Variants in CDK5RAP2 observed in about 807,000 individuals in gnomAD.
The protein encoded by CDK5RAP2 is CDK5 regulatory subunit-associated protein 2.
Under a neutral mutation model 232.9 loss-of-function variants are expected in CDK5RAP2, and 147 were observed. The ratio of observed to expected loss-of-function variants is 0.63; its 90% CI spans 0.55 to 0.72. CDK5RAP2 has a LOEUF of 0.72. CDK5RAP2 is among the 30% of genes least tolerant of loss of function. The pLI, the probability that CDK5RAP2 is intolerant of heterozygous loss-of-function variation, is 0.00. For synonymous variants in CDK5RAP2, 833 were observed against 833.7 expected, an observed-to-expected ratio of 1.00 and a Z score of 0.01; for missense variants, 2,195 against 2,231.5, an observed-to-expected ratio of 0.98 and a Z score of 0.33.
chr9:120,413,834 G>GGAGGGAA (rs2034027618), intron 28 of CDK5RAP2, among the ~76,000 whole-genome samples: 3 of 148,954 alleles, frequency 2.0e-5, no homozygotes, highest in African/African-American at 7.5e-5. Flanking sequence ...GGAGGGAGGA[G>GGAGGGAA]GGAGGAGGGA....
At chr9:120,490,524 C>A (rs895188146) in intron 13 of CDK5RAP2, among the ~76,000 whole-genome samples, 2 of 152,260 alleles carry the variant, frequency 1.3e-5, no homozygotes, top group Non-Finnish European at 2.9e-5. Context: ...ATAGCCAATG[C>A]ATGCTATGCC....
At chr9:120,560,095 T>G (rs1380023159) in intron 3 of CDK5RAP2, among the ~76,000 whole-genome samples, 1 of 152,142 alleles carries the variant, frequency 6.6e-6, no homozygotes, top group Non-Finnish European at 1.5e-5. Context: ...CAAATCATCT[T>G]TCCACCCAAG....
intron 3 of CDK5RAP2, among the ~76,000 whole-genome samples, chr9:120,565,737 A>G (rs2042624620): frequency 6.6e-6 from 1 of 152,106 alleles, no homozygotes; most frequent in African/African-American, 2.4e-5. Context: ...CCTGTCCCTG[A>G]TGACCCAACT....
chr9:120,550,196 T>C (rs905251053), intron 4 of CDK5RAP2, among the ~76,000 whole-genome samples: 1 of 152,222 alleles, frequency 6.6e-6, no homozygotes, highest in African/African-American at 2.4e-5. Flanking sequence ...CAAATGAGGA[T>C]AGGCTTTTCT....
At chr9:120,457,554 G>A (rs2036849793) in intron 20 of CDK5RAP2, among the ~76,000 whole-genome samples, 1 of 152,204 alleles carries the variant, frequency 6.6e-6, no homozygotes, top group South Asian at 2.1e-4. Flanking sequence ...GTCAGGGATT[G>A]GGGAGGAGTT....
intron 27 of CDK5RAP2, among the ~76,000 whole-genome samples, chr9:120,418,485 G>A (rs967066544): frequency 6.6e-6 from 1 of 152,200 alleles, no homozygotes; most frequent in Non-Finnish European, 1.5e-5. Flanking sequence ...TCTGCACAAA[G>A]TCCTCGTGGG....
intron 21 of CDK5RAP2, among the ~76,000 whole-genome samples, chr9:120,449,736 A>G (rs1297997487): frequency 6.6e-6 from 1 of 152,252 alleles, no homozygotes; most frequent in Admixed American, 6.5e-5. Flanking sequence ...TCCAAAGGAG[A>G]TATGTGTATG....
chr9:120,418,243 G>A (rs1207878758), intron 27 of CDK5RAP2, among the ~76,000 whole-genome samples: 1 of 152,180 alleles, frequency 6.6e-6, no homozygotes, highest in African/African-American at 2.4e-5. Context: ...ATAAGCCCAA[G>A]GTCATGGGTC....
chr9:120,545,884 T>C (rs545032151), intron 4 of CDK5RAP2, 94 bp from the exon 5 acceptor site: 707 of 955,782 alleles, frequency 7.4e-4, no homozygotes, highest in Non-Finnish European at 1.1e-3. Flanking sequence ...ACAGACTGAC[T>C]ACAGGATGCT....
At chr9:120,571,795 A>C in intron 2 of CDK5RAP2, 179 bp downstream of exon 2, 3 of 658,340 alleles carry the variant, frequency 4.6e-6, no homozygotes, top group Non-Finnish European at 8.4e-6. Flanking sequence ...CCTCTAGTCC[A>C]GTGTTTATGA....
intron 15 of CDK5RAP2, 44 bp downstream of exon 15, chr9:120,477,305 GT>G: frequency 2.3e-6 from 3 of 1,311,048 alleles, no homozygotes; most frequent in Non-Finnish European, 3.3e-6. Flanking sequence ...GTGCATGTGT[GT>G]GTGTTCGCAT....
chr9:120,438,977 T>C (rs2035739665), intron 24 of CDK5RAP2, among the ~76,000 whole-genome samples: 1 of 152,182 alleles, frequency 6.6e-6, no homozygotes, highest in Non-Finnish European at 1.5e-5. Context: ...ATGGAAAATA[T>C]TTATATTCCT....
intron 3 of CDK5RAP2, among the ~76,000 whole-genome samples, chr9:120,556,668 A>G (rs1292189798): frequency 6.6e-6 from 1 of 152,104 alleles, no homozygotes; most frequent in Admixed American, 6.5e-5. Context: ...ACCTCAGGCG[A>G]TCCACTCGCC....
rs561767326 is a variant in CDK5RAP2, at chr9:120,500,934, G to C, written c.1312-9457C>G. 2.0e-5 allele frequency among the ~76,000 whole-genome samples: 3 copies of C among 152,232 alleles called. No individual in the cohort carries two copies. In the East Asian group the frequency reaches 5.8e-4, roughly 29 times the overall value. On this transcript the variant is annotated intron_variant, in intron 12 of 37. Transcript: ENST00000349780. ...AAGAACGGGTACTGAGTGGAGTAAG[G>C]GGGGGCCTGGGAACTCCCATACCTG...
chr9:120,472,455 A>G (rs2037766057), intron 15 of CDK5RAP2, among the ~76,000 whole-genome samples: 1 of 152,190 alleles, frequency 6.6e-6, no homozygotes, highest in Admixed American at 6.5e-5. Context: ...CGGGCTTCAG[A>G]AGAAAGGGAG....
At chr9:120,454,819 T>C (rs1191012133) in intron 20 of CDK5RAP2, among the ~76,000 whole-genome samples, 1 of 152,182 alleles carries the variant, frequency 6.6e-6, no homozygotes, top group East Asian at 1.9e-4. Context: ...GTATATACAG[T>C]CCCTCAGAGG....
Position 120,403,329 on chromosome 9 carries a change from C to G in CDK5RAP2, c.5042-258G>C. ...TCAACCACCCACTCGGCAGAAGACC[C>G]CAGATTCACAAGGATGACTCAAGCT... is the stretch of plus-strand genomic sequence containing the variant. On this transcript the variant is annotated intron_variant, in intron 33 of 37. Coordinates refer to ENST00000349780, the MANE Select transcript of CDK5RAP2 (RefSeq NM_018249.6). The surrounding 1 kb of genome is among the most constrained non-coding windows in gnomAD (Gnocchi z 4.2). 2.0e-6 allele frequency: 1 copy of G among 494,196 alleles called. No individual in the cohort carries two copies. Among genetic ancestry groups the G allele is most frequent in the Non-Finnish European group, 3.7e-6 (1 of 271,398 alleles). 30.6% of individuals were successfully genotyped at this position (494,196 alleles called of 1,614,324 possible). A position where few individuals can be genotyped will look rare whatever the true frequency, so the allele number is the denominator to read the frequency against.
At chr9:120,576,095 G>C (rs997065896) in intron 1 of CDK5RAP2, among the ~76,000 whole-genome samples, 1 of 152,074 alleles carries the variant, frequency 6.6e-6, no homozygotes, top group Non-Finnish European at 1.5e-5. Context: ...AGCTACCAAC[G>C]GGCCACAGTC....
intron 12 of CDK5RAP2, among the ~76,000 whole-genome samples, chr9:120,505,907 A>C (rs1435084061): frequency 6.6e-6 from 1 of 152,274 alleles, no homozygotes; most frequent in African/African-American, 2.4e-5. Context: ...GTAACATAAA[A>C]GTGTAAGGTA....
Sources: allele counts gnomAD v4.1 joint callset (sites outside exome capture counted in the v4.1 genomes callset), GRCh38; gene constraint gnomAD v4.1.1; non-coding constraint Gnocchi (gnomAD v3.1); transcripts MANE v1.5; gene names NCBI Gene and HGNC (gene_info 2026-07-23, HGNC 2026-07-21).